Variants in PIGN observed in about 807,000 individuals in gnomAD.
PIGN encodes the protein phosphatidylinositol glycan anchor biosynthesis class N, also known as GPI ethanolamine phosphate transferase 1.
Under a neutral mutation model 125.4 loss-of-function variants are expected in PIGN, and 117 were observed. The ratio of observed to expected loss-of-function variants is 0.93; its 90% CI spans 0.80 to 1.09. PIGN has a LOEUF of 1.09. PIGN is among the 50% of genes least tolerant of loss of function. The pLI is 0.00. For synonymous variants in PIGN, 392 were observed against 377.8 expected, an observed-to-expected ratio of 1.04 and a Z score of -0.44; for missense variants, 1,075 against 1,094.9, an observed-to-expected ratio of 0.98 and a Z score of 0.26.
At position 62,140,465 on chromosome 18, in the gene PIGN, T is replaced by C. The variant is rs377369165; in HGVS notation, c.978A>G (p.Pro326=). Residue 326 remains proline, a synonymous_variant, in exon 12 of 31, where the codon CCA becomes CCG. Coordinates refer to ENST00000640252, the MANE Select transcript of PIGN (RefSeq NM_176787.5). ...RLDVNQADIA[P]LMTSLIGVPF... is the part of the protein sequence containing the mutation. ...GAACTCCAATAAGGGAAGTCATCAA[T>C]GGTGCAATATCAGCCTACAAATAAA... 5 of 1,551,096 alleles carry C rather than the reference T, an allele frequency of 3.2e-6. No individual in the cohort carries two copies. The highest frequency in any genetic ancestry group is 1.4e-5 in the African/African-American group (1 of 73,698).
rs921574897 is a variant in PIGN, at chr18:62,065,458, G to A, written c.2672+7215C>T. ...GAATATAATTAAAAAGACAGGCTTG[G>A]CGGGGCGTGGTGGCTCACGCCTGTA... On this transcript the variant is annotated intron_variant, in intron 30 of 30. Transcript: ENST00000640252. Among the ~76,000 whole-genome samples, 4 of 152,304 alleles carry A rather than the reference G, an allele frequency of 2.6e-5. 1 individual carries two copies. The Middle Eastern group carries it at 0.01, about 391-fold the overall frequency.
intron 30 of PIGN, among the ~76,000 whole-genome samples, chr18:62,050,509 G>A (rs62096635): frequency 0.51 from 76,746 of 150,054 alleles, 21,439 homozygotes; most frequent in East Asian, 0.71. Flanking sequence ...TTTGTCTGTT[G>A]TTGGTGTATA....
chr18:62,105,843 G>T (rs1423650717), intron 19 of PIGN, among the ~76,000 whole-genome samples: 1 of 152,138 alleles, frequency 6.6e-6, no homozygotes, highest in African/African-American at 2.4e-5. Context: ...CTGTTGCATA[G>T]CAGGTATAGT....
intron 14 of PIGN, among the ~76,000 whole-genome samples, chr18:62,115,846 T>C (rs917994562): frequency 2.6e-5 from 4 of 152,032 alleles, no homozygotes; most frequent in Non-Finnish European, 5.9e-5. Flanking sequence ...GGGACAGTGG[T>C]TCATGCTTGT....
chr18:62,146,974 A>G lies in PIGN; in HGVS notation c.802T>C (p.Trp268Arg). 1 of 1,611,606 alleles carries G rather than the reference A, an allele frequency of 6.2e-7. No individual in the cohort carries two copies. Among genetic ancestry groups the G allele is most frequent in the Non-Finnish European group, 8.5e-7 (1 of 1,178,208 alleles). The change falls in exon 9 of 31, where the codon TGG (tryptophan) becomes CGG (arginine). Residue 268 changes from tryptophan (W) to arginine (R), a missense_variant. Around this residue, in one of 3 missense-constraint regions of PIGN, gnomAD observed 915 missense variants for 908.7 expected, o/e 1.01. Transcript: ENST00000640252. Reference protein sequence around the residue: ...IFTSDHGMTDWGSHGAGHPSE... With the variant: ...IFTSDHGMTDRGSHGAGHPSE... ...TATCAATTAAAGACACACTAACCCC[A>G]GTCTGTCATTCCATGGTCAGAGGTA...
At chr18:62,142,815 A>C (rs1164992626) in intron 11 of PIGN, among the ~76,000 whole-genome samples, 2 of 152,178 alleles carry the variant, frequency 1.3e-5, no homozygotes, top group Non-Finnish European at 2.9e-5. Context: ...TTGGCTATAC[A>C]TTTTCCTCTA....
intron 14 of PIGN, chr18:62,137,218 C>T (rs918733957): frequency 1.0e-5 from 4 of 400,836 alleles, no homozygotes; most frequent in South Asian, 1.3e-4. Context: ...CATCAGACTC[C>T]GAATTCTTCA....
intron 30 of PIGN, among the ~76,000 whole-genome samples, chr18:62,048,948 C>T (rs569023014): frequency 1.5e-3 from 225 of 149,622 alleles, no homozygotes; most frequent in Middle Eastern, 6.9e-3. Flanking sequence ...TGAGAATATG[C>T]GGTGTTTGGT....
intron 7 of PIGN, among the ~76,000 whole-genome samples, chr18:62,151,818 G>A (rs529697879): frequency 5.9e-5 from 9 of 152,156 alleles, no homozygotes; most frequent in East Asian, 3.8e-4. Context: ...ATTTGTTGCC[G>A]GTAATTCAGA....
intron 23 of PIGN, among the ~76,000 whole-genome samples, chr18:62,090,980 C>T (rs888404334): frequency 4.6e-5 from 7 of 151,970 alleles, no homozygotes; most frequent in African/African-American, 1.5e-4. Flanking sequence ...AACACAAACA[C>T]GAAAATTATG....
At chr18:62,127,129 G>A (rs907850183) in intron 14 of PIGN, among the ~76,000 whole-genome samples, 1 of 152,020 alleles carries the variant, frequency 6.6e-6, no homozygotes, top group Non-Finnish European at 1.5e-5. Context: ...TGTTACTTGG[G>A]GGAAGTATCA....
chr18:62,072,525 T>C (rs2032938492), intron 30 of PIGN, 148 bp downstream of exon 30: 15 of 614,546 alleles, frequency 2.4e-5, no homozygotes, highest in Non-Finnish European at 4.3e-5. Flanking sequence ...CAATAGGCTG[T>C]ACCATATCCT....
intron 1 of PIGN, among the ~76,000 whole-genome samples, chr18:62,182,684 T>C (rs1364175157): frequency 6.6e-6 from 1 of 152,198 alleles, no homozygotes; most frequent in Non-Finnish European, 1.5e-5. Flanking sequence ...ATTACTTGCT[T>C]TTCTTTTTTC....
intron 6 of PIGN, among the ~76,000 whole-genome samples, chr18:62,155,536 T>C (rs1044250162): frequency 6.6e-6 from 1 of 152,048 alleles, no homozygotes; most frequent in Non-Finnish European, 1.5e-5. Flanking sequence ...GCCACTGCAC[T>C]CCAGCCTGGG....
chr18:62,108,414 T>C (rs1396387312), intron 17 of PIGN, among the ~76,000 whole-genome samples: 1 of 152,110 alleles, frequency 6.6e-6, no homozygotes, highest in Admixed American at 6.6e-5. Context: ...CCTTTTGTTC[T>C]AAAAGTTTAA....
chr18:62,038,086 A>C (rs934814719), downstream of PIGN, among the ~76,000 whole-genome samples: 1 of 152,214 alleles, frequency 6.6e-6, no homozygotes, highest in Admixed American at 6.5e-5. Context: ...CATAATACCA[A>C]AACAGGGCAC....
intron 30 of PIGN, among the ~76,000 whole-genome samples, chr18:62,053,424 T>C (rs1249002897): frequency 6.6e-6 from 1 of 151,982 alleles, no homozygotes; most frequent in African/African-American, 2.4e-5. Context: ...AAAAATAAAA[T>C]GGCAGACTTA....
intron 4 of PIGN, among the ~76,000 whole-genome samples, chr18:62,159,590 G>T (rs973108362): frequency 6.6e-6 from 1 of 151,894 alleles, no homozygotes; most frequent in South Asian, 2.1e-4. Flanking sequence ...CACAATGTTC[G>T]TCTATTGACT....
At chr18:62,063,265 C>CCAAAATCTATGGTTTTATAGATTTTATA (rs1568132116) in intron 30 of PIGN, among the ~76,000 whole-genome samples, 27 of 98,002 alleles carry the variant, frequency 2.8e-4, no homozygotes, top group African/African-American at 6.3e-4. Flanking sequence ...TAGATTTTAG[C>CCAAAATCTATGGTTTTATAGATTTTATA]CAAAATCTAT....
Sources: gnomAD v4.1 joint callset for allele counts (sites outside exome capture counted in the v4.1 genomes callset) on GRCh38, gnomAD v4.1.1 for gene constraint, gnomAD v4.1.1 regional missense constraint, MANE v1.5 for transcripts, NCBI Gene and HGNC (gene_info 2026-07-23, HGNC 2026-07-21) for gene names.